NWD1: variants seen among roughly 807,000 people sequenced by gnomAD.
NWD1 encodes NACHT and WD repeat domain containing 1, also known as NACHT domain- and WD repeat-containing protein 1.
In NWD1, 129 loss-of-function variants were observed where a neutral mutation model predicts 135.1. The ratio of observed to expected loss-of-function variants is 0.96; its 90% confidence interval spans 0.83 to 1.11. The LOEUF (loss-of-function observed/expected upper bound fraction) is 1.11. Ranked by LOEUF, NWD1 falls within the 50% of genes least tolerant of loss-of-function variation. The pLI, the probability that NWD1 is intolerant of heterozygous loss-of-function variation, is 0.00. For missense variants in NWD1, 1,740 were observed against 1,851.3 expected (o/e 0.94, Z 1.10); for synonymous variants, 773 against 786.0 (o/e 0.98, Z 0.28).
At chr19:16,807,541 G>C (rs1401153344) in intron 17 of NWD1, 45 bp from the exon 18 acceptor site, 1 of 1,447,238 alleles carries the variant, frequency 6.9e-7, no homozygotes, top group African/African-American at 1.4e-5. Flanking sequence ...GGGCTGCTGT[G>C]ATTCACTCTC....
Position 16,794,549 on chromosome 19 carries a change from C to A in NWD1, c.3300C>A (p.Ala1100=). The A allele has an allele frequency of 6.3e-7, 1 of 1,597,308 alleles. No individual in the cohort carries two copies. Among genetic ancestry groups the A allele is most frequent in the South Asian group, 1.1e-5 (1 of 89,246 alleles). The change falls in exon 15 of 19, where the codon GCC becomes GCA. Residue 1100 remains alanine (A), a synonymous_variant. Transcript: ENST00000524140. ...LVVSEDESLL[A]AGFGRSVRIF... Reference sequence around the variant, plus strand: ...TCTCTGAAGATGAGTCCCTCCTCGCCGCAGGTAGCGTTTAGCTCTCATTTG... The same window carrying A: ...TCTCTGAAGATGAGTCCCTCCTCGCAGCAGGTAGCGTTTAGCTCTCATTTG...
chr19:16,760,110 G>A (rs7249312), intron 7 of NWD1, among the ~76,000 whole-genome samples: 1,560 of 152,112 alleles, frequency 0.01, 32 homozygotes, highest in African/African-American at 0.035. Flanking sequence ...AGCCGTGACT[G>A]TACCACTGCA....
chr19:16,807,649 G>T lies in NWD1; in HGVS notation c.3800G>T (p.Arg1267Leu), dbSNP rs148020552. The change falls in exon 18 of 19, where the codon CGC becomes CTC. Residue 1267 changes from arginine (R) to leucine (L), a missense_variant. Physicochemically the swap from Arg to Leu is moderately radical, Grantham distance 102 (BLOSUM62 -2). Transcript: ENST00000524140. ...EIRCLEVAEQ[R>L]KLLFTGLVSG... ...AGGTGTCTGGAGGTTGCTGAGCAGC[G>T]CAAGCTCCTATTTACGGGCCTCGTG... The T allele has an allele frequency of 1.9e-6, 3 of 1,589,384 alleles. No individual in the cohort carries two copies. Among genetic ancestry groups the T allele is most frequent in the Non-Finnish European group, 2.6e-6 (3 of 1,169,078 alleles).
chr19:16,739,667 A>G (rs1968000222), intron 4 of NWD1, among the ~76,000 whole-genome samples: 1 of 152,126 alleles, frequency 6.6e-6, no homozygotes, highest in Non-Finnish European at 1.5e-5. Flanking sequence ...GCCTTCCACA[A>G]AAATCAGAGA....
intron 17 of NWD1, among the ~76,000 whole-genome samples, chr19:16,802,402 G>A (rs1272252538): frequency 2.7e-5 from 4 of 149,686 alleles, no homozygotes; most frequent in Admixed American, 1.3e-4. Context: ...TGAGGCTGCA[G>A]TGAACTGTGA....
At chr19:16,776,717 C>T (rs143259044) in intron 11 of NWD1, among the ~76,000 whole-genome samples, 268 of 142,088 alleles carry the variant, frequency 1.9e-3, no homozygotes, top group Middle Eastern at 0.012. Flanking sequence ...TCTCTTGGGC[C>T]GAGATGTTCA....
At position 16,749,293 on chromosome 19, in the gene NWD1, C is replaced by T; in HGVS notation, c.651C>T (p.Asp217=). ...MVDRLADGCL[D]ADAQNLLSSL... ...ACCGGCTCGCGGATGGCTGCCTGGA[C>T]GCTGATGCCCAGAACCTTCTCAGCA... The change falls in exon 6 of 19, where the codon GAC becomes GAT. Residue 217 remains aspartate, a synonymous_variant. Coordinates refer to ENST00000524140, the MANE Select transcript of NWD1 (RefSeq NM_001007525.5). 6.2e-7 allele frequency: 1 copy of T among 1,614,014 alleles called. No individual in the cohort carries two copies. Among genetic ancestry groups the T allele is most frequent in the Non-Finnish European group, 8.5e-7 (1 of 1,180,008 alleles).
intron 3 of NWD1, among the ~76,000 whole-genome samples, chr19:16,733,799 C>T (rs907059031): frequency 1.3e-4 from 17 of 128,366 alleles, no homozygotes; most frequent in African/African-American, 5.6e-4. Context: ...CATCGGGAGA[C>T]GGCGGTCCCT....
chr19:16,780,219 A>C (rs1000100392), intron 12 of NWD1, among the ~76,000 whole-genome samples: 6 of 150,672 alleles, frequency 4.0e-5, no homozygotes, highest in African/African-American at 7.3e-5. Flanking sequence ...GCAGTGGTGC[A>C]ATCTCGGCTC....
intron 15 of NWD1, among the ~76,000 whole-genome samples, chr19:16,796,344 C>G (rs1044105100): frequency 1.3e-5 from 2 of 152,120 alleles, no homozygotes; most frequent in South Asian, 2.1e-4. Context: ...CGCCTGTAAT[C>G]CCAGCTACTC....
At chr19:16,737,303 G>A (rs1967862900) in intron 4 of NWD1, among the ~76,000 whole-genome samples, 1 of 151,864 alleles carries the variant, frequency 6.6e-6, no homozygotes, top group East Asian at 1.9e-4. Flanking sequence ...TCTCAAAAAA[G>A]CCCAGGCTAG....
chr19:16,761,836 A>T, intron 7 of NWD1, 143 bp from the exon 8 acceptor site: 2 of 568,230 alleles, frequency 3.5e-6, no homozygotes, highest in Admixed American at 3.2e-5. Flanking sequence ...TTAGAGATAG[A>T]TGTGATGTAT....
chr19:16,744,907 C>G (rs1171931356), intron 5 of NWD1, 189 bp downstream of exon 5: 6 of 655,970 alleles, frequency 9.1e-6, no homozygotes, highest in Non-Finnish European at 1.4e-5. Context: ...TGTTCCTGAT[C>G]AATCTTGGTC....
intron 1 of NWD1, 68 bp from the exon 2 acceptor site, chr19:16,724,298 A>G (rs980183226): frequency 1.3e-5 from 2 of 152,202 alleles, no homozygotes; most frequent in African/African-American, 4.8e-5. Context: ...ATCTGCTAAC[A>G]CATTGCACTA....
intron 12 of NWD1, among the ~76,000 whole-genome samples, chr19:16,788,145 G>C (rs922199326): frequency 1.4e-5 from 2 of 147,754 alleles, no homozygotes; most frequent in African/African-American, 4.9e-5. Flanking sequence ...CAGGAGAATT[G>C]CTTGAACCCG....
intron 12 of NWD1, among the ~76,000 whole-genome samples, chr19:16,780,301 G>A (rs952996002): frequency 1.3e-5 from 2 of 151,678 alleles, no homozygotes; most frequent in Admixed American, 1.3e-4. Flanking sequence ...GACTACAGGC[G>A]CCCGCCACCA....
intron 17 of NWD1, among the ~76,000 whole-genome samples, chr19:16,804,874 G>C (rs1464065339): frequency 6.6e-6 from 1 of 151,902 alleles, no homozygotes; most frequent in East Asian, 1.9e-4. Context: ...GTCTAGGCTG[G>C]AGTGAAGAGG....
chr19:16,777,862 AG>A (rs1308495526), intron 11 of NWD1, among the ~76,000 whole-genome samples: 5 of 48,602 alleles, frequency 1.0e-4, no homozygotes, highest in African/African-American at 3.7e-4. Context: ...GGAAGGGAAG[AG>A]GGGGGAAGGG....
intron 6 of NWD1, among the ~76,000 whole-genome samples, chr19:16,756,077 A>G (rs1265629842): frequency 6.6e-6 from 1 of 152,154 alleles, no homozygotes; most frequent in South Asian, 2.1e-4. Context: ...TAGAGAAAAG[A>G]AAATGATAGT....
Sources: allele counts gnomAD v4.1 joint callset (sites outside exome capture counted in the v4.1 genomes callset), GRCh38; gene constraint gnomAD v4.1.1; transcripts MANE v1.5; gene names NCBI Gene and HGNC (gene_info 2026-07-23, HGNC 2026-07-21).